The following FARS2 variants were observed in gnomAD, a reference collection of about 807,000 sequenced individuals.
The protein encoded by FARS2 is phenylalanine--tRNA ligase, mitochondrial.
FARS2 carries 40 observed loss-of-function variants against 46.4 expected under a neutral mutation model. The ratio of observed to expected loss-of-function variants is 0.86; its 90% confidence interval spans 0.67 to 1.12. The LOEUF is 1.12. Among genes scored for constraint, FARS2 ranks in the 50% most tolerant of loss-of-function variants. The pLI is 0.00. For synonymous variants in FARS2, 234 were observed against 214.9 expected, an observed-to-expected ratio of 1.09 and a Z score of -0.78; for missense variants, 513 against 567.9, an observed-to-expected ratio of 0.90 and a Z score of 0.98.
intron 5 of FARS2, among the ~76,000 whole-genome samples, chr6:5,586,996 T>C (rs1489993875): frequency 1.3e-5 from 2 of 152,216 alleles, no homozygotes; most frequent in African/African-American, 2.4e-5. Flanking sequence ...CTTAATAATA[T>C]GAATAATCTC....
chr6:5,509,523 G>A (rs1176903383), intron 4 of FARS2, among the ~76,000 whole-genome samples: 9 of 152,216 alleles, frequency 5.9e-5, no homozygotes, highest in Admixed American at 5.2e-4. Flanking sequence ...CGGCAGACAA[G>A]GGGCAGACTC....
chr6:5,666,448 G>T (rs995248063), intron 6 of FARS2, among the ~76,000 whole-genome samples: 8 of 152,124 alleles, frequency 5.3e-5, no homozygotes, highest in African/African-American at 1.9e-4. Context: ...GACTATAGAA[G>T]AACTACACAG....
intron 1 of FARS2, among the ~76,000 whole-genome samples, chr6:5,335,198 C>T (rs1771069891): frequency 6.6e-6 from 1 of 152,158 alleles, no homozygotes; most frequent in South Asian, 2.1e-4. Flanking sequence ...TCAGGATTTT[C>T]ATTGCTTTAA....
At chr6:5,413,252 T>C (rs1486209383) in intron 3 of FARS2, among the ~76,000 whole-genome samples, 1 of 152,180 alleles carries the variant, frequency 6.6e-6, no homozygotes. Context: ...GGGCAGAGGA[T>C]AACAGAGAGG....
chr6:5,626,217 G>A (rs750049255), intron 6 of FARS2, among the ~76,000 whole-genome samples: 4 of 152,118 alleles, frequency 2.6e-5, no homozygotes, highest in Non-Finnish European at 4.4e-5. Context: ...CATCAGACAC[G>A]TAGGAAATGA....
At chr6:5,333,537 T>C (rs1770941690) in intron 1 of FARS2, among the ~76,000 whole-genome samples, 1 of 152,232 alleles carries the variant, frequency 6.6e-6, no homozygotes, top group South Asian at 2.1e-4. Context: ...TGAGCAATGC[T>C]ATCATATTAA....
intron 4 of FARS2, among the ~76,000 whole-genome samples, chr6:5,520,528 A>G (rs532393366): frequency 7.2e-5 from 11 of 152,376 alleles, no homozygotes; most frequent in African/African-American, 2.6e-4. Flanking sequence ...AATATAAGAA[A>G]TACCCTGTTC....
At chr6:5,750,277 G>A (rs1221789134) in intron 6 of FARS2, among the ~76,000 whole-genome samples, 2 of 152,086 alleles carry the variant, frequency 1.3e-5, no homozygotes, top group Non-Finnish European at 2.9e-5. Context: ...CGGGGGTGGG[G>A]CAGGATATAG....
intron 4 of FARS2, among the ~76,000 whole-genome samples, chr6:5,472,500 T>G (rs565537485): frequency 3.9e-5 from 6 of 152,358 alleles, no homozygotes; most frequent in African/African-American, 1.4e-4. Flanking sequence ...CAGATACAGC[T>G]GGCACTATTG....
chr6:5,505,218 G>A (rs1328201963), intron 4 of FARS2, among the ~76,000 whole-genome samples: 3 of 152,092 alleles, frequency 2.0e-5, no homozygotes, highest in East Asian at 1.9e-4. Context: ...AATTCAAAAC[G>A]CTGAGATTAG....
chr6:5,594,197 T>C lies in FARS2; in HGVS notation c.1066-18972T>C, dbSNP rs576529119. ...ACTTGGAGAGTGTTTTCTTGTTGAG[T>C]ATCACAAGAGGAGAGGGAGCTGGTA... On this transcript the variant is annotated intron_variant, in intron 5 of 6. Coordinates refer to ENST00000274680, the MANE Select transcript of FARS2 (RefSeq NM_006567.5). 4.9e-4 allele frequency among the ~76,000 whole-genome samples: 74 copies of C among 152,282 alleles called. 2 individuals are homozygous for C. The South Asian group carries it at 0.015, about 32-fold the overall frequency.
chr6:5,381,430 AT>A, intron 2 of FARS2, among the ~76,000 whole-genome samples: 1 of 145,342 alleles, frequency 6.9e-6, no homozygotes. Context: ...CAGATGCAGA[AT>A]TTTTTATATA....
intron 5 of FARS2, among the ~76,000 whole-genome samples, chr6:5,593,977 G>A (rs1774064204): frequency 6.6e-6 from 1 of 152,196 alleles, no homozygotes; most frequent in African/African-American, 2.4e-5. Context: ...TGGCAGGCAT[G>A]GGGACAGGCA....
intron 6 of FARS2, among the ~76,000 whole-genome samples, chr6:5,746,631 G>A (rs2150958973): frequency 6.7e-6 from 1 of 150,252 alleles, no homozygotes; most frequent in Non-Finnish European, 1.5e-5. Flanking sequence ...GCTCTGTCAG[G>A]AGAAAGCAGG....
At chr6:5,463,195 T>C (rs930798080) in intron 4 of FARS2, among the ~76,000 whole-genome samples, 1 of 152,256 alleles carries the variant, frequency 6.6e-6, no homozygotes, top group Non-Finnish European at 1.5e-5. Flanking sequence ...GAAATTTATT[T>C]CTAAGTATTT....
chr6:5,369,185 G>GAGTCTTGAGATGTTTCTC lies in FARS2; in HGVS notation c.612+5_612+22dup, dbSNP rs1758880246. 1 of 1,602,106 alleles carries GAGTCTTGAGATGTTTCTC rather than the reference G, an allele frequency of 6.2e-7. No homozygotes were observed. ...TGCGGCTCTTCTCCAAGCATGAGGT[G>GAGTCTTGAGATGTTTCTC]AGTCTTGAGATGTTTCTCATCGCTG... On this transcript the variant is annotated splice_donor_region_variant and intron_variant, in intron 2 of 6. Transcript: ENST00000274680.
chr6:5,325,085 G>C (rs1230386064), intron 1 of FARS2, among the ~76,000 whole-genome samples: 1 of 152,098 alleles, frequency 6.6e-6, no homozygotes, highest in Non-Finnish European at 1.5e-5. Context: ...GGTTTTGTTC[G>C]GTCTTTTTAG....
At chr6:5,704,653 A>G (rs1758635394) in intron 6 of FARS2, among the ~76,000 whole-genome samples, 1 of 152,248 alleles carries the variant, frequency 6.6e-6, no homozygotes, top group Admixed American at 6.5e-5. Context: ...AATAATGCGT[A>G]AATCCTAGAA....
intron 5 of FARS2, among the ~76,000 whole-genome samples, chr6:5,600,643 T>G (rs1264881086): frequency 6.6e-6 from 1 of 152,196 alleles, no homozygotes; most frequent in Non-Finnish European, 1.5e-5. Flanking sequence ...TTTTTATAGG[T>G]AAAGCTGATT....
Sources: allele counts gnomAD v4.1 joint callset (sites outside exome capture counted in the v4.1 genomes callset), GRCh38; gene constraint gnomAD v4.1.1; transcripts MANE v1.5; gene names NCBI Gene and HGNC (gene_info 2026-07-23, HGNC 2026-07-21).